Variants in GOLM1 observed in about 807,000 individuals in gnomAD.
The protein encoded by GOLM1 is golgi membrane protein 1.
Under a neutral mutation model 50.5 loss-of-function variants are expected in GOLM1, and 31 were observed. The observed-to-expected ratio is 0.61, with a 90% CI of 0.46 to 0.83. The LOEUF is 0.83. Among genes scored for constraint, GOLM1 ranks in the 40% least tolerant of loss-of-function variants. The pLI, the probability that GOLM1 is intolerant of heterozygous loss-of-function variation, is 0.00. For synonymous variants in GOLM1, 178 were observed against 192.8 expected (o/e 0.92, Z 0.64); for missense variants, 491 against 501.3 (o/e 0.98, Z 0.20).
At chr9:86,090,941 C>T (rs914454768) in intron 1 of GOLM1, among the ~76,000 whole-genome samples, 4 of 152,128 alleles carry the variant, frequency 2.6e-5, no homozygotes. Flanking sequence ...ATGGGAAAAG[C>T]GTAGTATCTG....
At chr9:86,039,196 T>C (rs1480122055) in intron 6 of GOLM1, among the ~76,000 whole-genome samples, 1 of 152,190 alleles carries the variant, frequency 6.6e-6, no homozygotes, top group Non-Finnish European at 1.5e-5. Context: ...TGTGAAAAGA[T>C]GCTGAATATC....
chr9:86,033,932 T>C (rs1042699802), intron 8 of GOLM1, among the ~76,000 whole-genome samples: 3 of 152,140 alleles, frequency 2.0e-5, no homozygotes, highest in Non-Finnish European at 4.4e-5. Flanking sequence ...AACTTACATA[T>C]TTTATATGTG....
chr9:86,071,019 C>T (rs533426718), intron 3 of GOLM1, among the ~76,000 whole-genome samples: 1 of 151,450 alleles, frequency 6.6e-6, no homozygotes, highest in Admixed American at 6.6e-5. Context: ...TGACCATGAC[C>T]CACAATGATA....
intron 4 of GOLM1, among the ~76,000 whole-genome samples, chr9:86,048,112 G>C (rs1833615389): frequency 6.9e-6 from 1 of 144,794 alleles, no homozygotes; most frequent in South Asian, 2.2e-4. Context: ...CTATGACTGA[G>C]AACATGCGGT....
At chr9:86,040,911 T>C (rs771017632) in intron 5 of GOLM1, 43 bp from the exon 6 acceptor site, 4 of 1,598,926 alleles carry the variant, frequency 2.5e-6, no homozygotes, top group Admixed American at 1.7e-5. Context: ...CGTCTATGAC[T>C]GTGTCTCTGC....
chr9:86,026,156 A>G lies in GOLM1; in HGVS notation c.*1661T>C. ...CTGTGACAAGTTTTATAAGTTGAAC[A>G]GAACATTTTATTTCTCAGCAATTCT... On this transcript the variant is annotated 3_prime_UTR_variant, in exon 10 of 10. Transcript: ENST00000388712. The G allele has an allele frequency of 5.1e-6, 5 of 984,548 alleles. No individual in the cohort carries two copies. Among genetic ancestry groups the G allele is most frequent in the Non-Finnish European group, 6.0e-6 (5 of 829,102 alleles). The allele number at this position is 984,548 out of a possible 1,614,324, so 61.0% of individuals were successfully genotyped here. A position where few individuals can be genotyped will look rare whatever the true frequency, so the allele number is the denominator to read the frequency against.
At position 86,026,444 on chromosome 9, in the gene GOLM1, G is replaced by A; in HGVS notation, c.*1373C>T. The A allele has an allele frequency of 1.0e-6, 1 of 983,542 alleles. No individual in the cohort carries two copies. Among genetic ancestry groups the A allele is most frequent in the African/African-American group, 1.7e-5 (1 of 57,260 alleles). 60.9% of individuals were successfully genotyped at this position (983,542 alleles called of 1,614,324 possible). ...GGCCTGCTTCAGTGACTGTGTGCCTGTAGTCCCAGCTACTCGGGAGTCTGT... is the reference window on the plus strand; with the variant it reads ...GGCCTGCTTCAGTGACTGTGTGCCTATAGTCCCAGCTACTCGGGAGTCTGT... On this transcript the variant is annotated 3_prime_UTR_variant, in exon 10 of 10. Coordinates refer to ENST00000388712, the MANE Select transcript of GOLM1 (RefSeq NM_016548.4).
intron 3 of GOLM1, among the ~76,000 whole-genome samples, chr9:86,068,538 A>C (rs1834368849): frequency 6.6e-6 from 1 of 152,180 alleles, no homozygotes; most frequent in Non-Finnish European, 1.5e-5. Context: ...GCCCCTGCCC[A>C]GGTCTCAGGT....
intron 8 of GOLM1, among the ~76,000 whole-genome samples, chr9:86,034,524 G>A (rs750094770): frequency 3.3e-5 from 5 of 152,124 alleles, no homozygotes; most frequent in East Asian, 3.9e-4. Context: ...AGATCTCCCC[G>A]CCTCACACAC....
rs183854352 is a variant in GOLM1 at position 86,057,496 on chromosome 9, T to C, written c.310-4905A>G. 6.9e-3 allele frequency among the ~76,000 whole-genome samples: 1,047 copies of C among 152,186 alleles called. 7 individuals are homozygous for C. Among genetic ancestry groups the C allele is most frequent in the African/African-American group, 0.02 (844 of 41,536 alleles). ...GGAGGAGTGCCTCCCGGCTCCCACCTGTGGGCTCACCCGAGCCGGGGTGCA... is the reference window on the plus strand; with the variant it reads ...GGAGGAGTGCCTCCCGGCTCCCACCCGTGGGCTCACCCGAGCCGGGGTGCA... On this transcript the variant is annotated intron_variant, in intron 3 of 9. Coordinates refer to ENST00000388712, the MANE Select transcript of GOLM1 (RefSeq NM_016548.4).
At chr9:86,097,067 CT>C (rs35392923) in intron 1 of GOLM1, among the ~76,000 whole-genome samples, 66,678 of 143,064 alleles carry the variant, frequency 0.47, 16,337 homozygotes, top group Non-Finnish European at 0.58. Context: ...AAGGCATGGA[CT>C]TTTTTTTTTT....
chr9:86,078,845 G>A lies in GOLM1; in HGVS notation c.129+347C>T, dbSNP rs188985811. The stretch of plus-strand genomic sequence containing the variant: ...AATACTACTCTTCGATATCTTGGGC[G>A]CCGGAGGACCGCAAACAACGGACTA... On this transcript the variant is annotated intron_variant, in intron 2 of 9. Transcript: ENST00000388712. Among the ~76,000 whole-genome samples, 13 of 152,282 alleles carry A rather than the reference G, an allele frequency of 8.5e-5. No individual in the cohort carries two copies. The East Asian group carries it at 1.7e-3, about 20-fold the overall frequency.
intron 9 of GOLM1, among the ~76,000 whole-genome samples, chr9:86,031,728 C>G (rs1375011822): frequency 1.3e-5 from 2 of 151,722 alleles, no homozygotes; most frequent in Non-Finnish European, 2.9e-5. Context: ...TCCCAAAGTG[C>G]TGGGTTACAG....
At chr9:86,090,363 G>A (rs949951769) in intron 1 of GOLM1, among the ~76,000 whole-genome samples, 2 of 152,184 alleles carry the variant, frequency 1.3e-5, no homozygotes, top group Non-Finnish European at 2.9e-5. Flanking sequence ...CCTTCCCCCA[G>A]GTGCTCTGTC....
intron 3 of GOLM1, 154 bp downstream of exon 3, chr9:86,077,258 G>T: frequency 1.6e-6 from 1 of 637,484 alleles, no homozygotes. Context: ...GGAGGGGAAA[G>T]GGAGAGAATG....
intron 1 of GOLM1, among the ~76,000 whole-genome samples, chr9:86,083,663 T>C (rs1262992877): frequency 6.6e-6 from 1 of 152,234 alleles, no homozygotes; most frequent in Non-Finnish European, 1.5e-5. Context: ...GCTGGGATTA[T>C]GGGCATGAGC....
intron 1 of GOLM1, among the ~76,000 whole-genome samples, chr9:86,091,255 C>A (rs1008362464): frequency 4.6e-5 from 7 of 152,284 alleles, no homozygotes. Flanking sequence ...TCTTGTCAAT[C>A]CTTTATTACT....
rs34420567 is a variant in GOLM1, at chr9:86,093,375, C to CAAA, written c.-22+6033_-22+6035dup. On this transcript the variant is annotated intron_variant, in intron 1 of 9. Transcript: ENST00000388712. ...TGAGTGACAGAGCGAGATTCTGCCT[C>CAAA]AAAAAAAAAAAAAAAAAAAGAAACA... is the stretch of plus-strand genomic sequence containing the variant. Among the ~76,000 whole-genome samples, 126 of 109,292 alleles carry CAAA rather than the reference C, an allele frequency of 1.2e-3. 2 individuals carry two copies. The highest frequency in any genetic ancestry group is 3.8e-3 in the African/African-American group (111 of 29,332). The allele number at this position is 109,292 out of a possible 152,430, so 71.7% of individuals were successfully genotyped here. A position where few individuals can be genotyped will look rare whatever the true frequency, so the allele number is the denominator to read the frequency against.
At chr9:86,092,463 C>G (rs1835215237) in intron 1 of GOLM1, among the ~76,000 whole-genome samples, 1 of 152,126 alleles carries the variant, frequency 6.6e-6, no homozygotes, top group East Asian at 1.9e-4. Flanking sequence ...CATCCCAGAC[C>G]AGGATCATAT....
Sources: allele counts gnomAD v4.1 joint callset (sites outside exome capture counted in the v4.1 genomes callset), GRCh38; gene constraint gnomAD v4.1.1; transcripts MANE v1.5; gene names NCBI Gene and HGNC (gene_info 2026-07-23, HGNC 2026-07-21).